RNLS: variants seen among roughly 807,000 people sequenced by gnomAD.
RNLS encodes renalase.
RNLS carries 39 observed loss-of-function variants against 39.8 expected under a neutral mutation model. The observed-to-expected ratio is 0.98, with a 90% confidence interval of 0.76 to 1.28. RNLS has a LOEUF of 1.28. Ranked by LOEUF, RNLS falls within the 50% of genes most tolerant of loss-of-function variation. The pLI is 0.00. For synonymous variants in RNLS, 147 were observed against 150.7 expected (o/e 0.98, Z 0.18); for missense variants, 410 against 413.3 (o/e 0.99, Z 0.07).
chr10:88,341,858 T>C (rs1249952060), intron 5 of RNLS, among the ~76,000 whole-genome samples: 1 of 152,162 alleles, frequency 6.6e-6, no homozygotes, highest in Non-Finnish European at 1.5e-5. Flanking sequence ...AGGTTTATAG[T>C]ATTTTCATAT....
the RNLS span, among the ~76,000 whole-genome samples, chr10:88,262,532 A>G: frequency 6.6e-6 from 1 of 152,170 alleles, no homozygotes; most frequent in Non-Finnish European, 1.5e-5. Context: ...TTCCTGAGAC[A>G]CTATTTCTGA....
Position 88,274,899 on chromosome 10 carries a change from A to G in RNLS, c.*62T>C, listed in dbSNP as rs541744496. On this transcript the variant is annotated 3_prime_UTR_variant, in exon 7 of 7. Coordinates refer to the RNLS transcript ENST00000371947. ...ATAATAGCTATCCTAAAGGCTGTGA[A>G]GTGGTATCCTTAAAAAAAAAAATCA... is the stretch of plus-strand genomic sequence containing the variant. The G allele has an allele frequency of 4.2e-6, 5 of 1,202,468 alleles. No homozygotes were observed. The African/African-American group carries it at 7.5e-5, about 18-fold the overall frequency. 74.5% of individuals were successfully genotyped at this position (1,202,468 alleles called of 1,614,324 possible). A position where few individuals can be genotyped will look rare whatever the true frequency, so the allele number is the denominator to read the frequency against.
chr10:88,495,247 T>G (rs1335764050), intron 4 of RNLS, among the ~76,000 whole-genome samples: 2 of 152,278 alleles, frequency 1.3e-5, no homozygotes, highest in East Asian at 3.9e-4. Flanking sequence ...TTTTACTTGT[T>G]GCAAAAATAT....
At chr10:88,204,670 C>A in the RNLS span, among the ~76,000 whole-genome samples, 1 of 152,152 alleles carries the variant, frequency 6.6e-6, no homozygotes, top group South Asian at 2.1e-4. Flanking sequence ...TCTCCCCGTA[C>A]ATGAAAGTTG....
intron 4 of RNLS, among the ~76,000 whole-genome samples, chr10:88,559,010 G>A (rs1054831465): frequency 2.6e-5 from 4 of 152,154 alleles, no homozygotes; most frequent in South Asian, 4.1e-4. Context: ...CAGGACTTTC[G>A]TTCTTTGTGC....
intron 4 of RNLS, among the ~76,000 whole-genome samples, chr10:88,383,997 AT>A (rs1393802040): frequency 6.6e-6 from 1 of 152,118 alleles, no homozygotes; most frequent in African/African-American, 2.4e-5. Context: ...CAGTAGACCT[AT>A]ATTATAGAAA....
At chr10:88,556,518 T>C (rs1019197957) in intron 4 of RNLS, among the ~76,000 whole-genome samples, 5 of 152,272 alleles carry the variant, frequency 3.3e-5, no homozygotes, top group African/African-American at 1.2e-4. Flanking sequence ...TGGCTTCCCA[T>C]CTGATGGAGA....
intron 4 of RNLS, among the ~76,000 whole-genome samples, chr10:88,382,163 G>A (rs1294530180): frequency 1.3e-5 from 2 of 152,000 alleles, no homozygotes; most frequent in African/African-American, 4.8e-5. Context: ...ACGTTGTACT[G>A]TGACATCTTA....
At chr10:88,473,605 C>G (rs1468755201) in intron 4 of RNLS, among the ~76,000 whole-genome samples, 1 of 152,144 alleles carries the variant, frequency 6.6e-6, no homozygotes, top group Non-Finnish European at 1.5e-5. Context: ...CAACCCATGA[C>G]TGCTACAAAA....
At chr10:88,573,784 T>C (rs1297107284) in intron 3 of RNLS, among the ~76,000 whole-genome samples, 1 of 151,812 alleles carries the variant, frequency 6.6e-6, no homozygotes, top group Non-Finnish European at 1.5e-5. Flanking sequence ...ACCTGTTTTA[T>C]TTCTATGTAT....
chr10:88,433,060 C>T (rs929620747), intron 4 of RNLS, among the ~76,000 whole-genome samples: 4 of 151,942 alleles, frequency 2.6e-5, no homozygotes, highest in Non-Finnish European at 5.9e-5. Flanking sequence ...ACTAAAAAGT[C>T]ATGTTAACCT....
chr10:88,234,659 C>A, the RNLS span, among the ~76,000 whole-genome samples: 36 of 152,070 alleles, frequency 2.4e-4, no homozygotes, highest in Non-Finnish European at 5.9e-5. Context: ...CTGTGCTCAG[C>A]CTGTAGGAAA....
At chr10:88,257,456 C>T in the RNLS span, among the ~76,000 whole-genome samples, 1 of 152,124 alleles carries the variant, frequency 6.6e-6, no homozygotes, top group Non-Finnish European at 1.5e-5. Flanking sequence ...ACAAAATACC[C>T]TCAGAGGAGG....
intron 4 of RNLS, among the ~76,000 whole-genome samples, chr10:88,468,237 G>T (rs1843322332): frequency 6.6e-6 from 1 of 152,078 alleles, no homozygotes; most frequent in East Asian, 1.9e-4. Flanking sequence ...TCTGGGGTGG[G>T]CTCAAAGAAA....
At chr10:88,483,707 G>A (rs1373020302) in intron 4 of RNLS, among the ~76,000 whole-genome samples, 4 of 151,328 alleles carry the variant, frequency 2.6e-5, no homozygotes, top group Admixed American at 2.6e-4. Flanking sequence ...CCATTTCTTT[G>A]CTTGCTATAT....
intron 4 of RNLS, among the ~76,000 whole-genome samples, chr10:88,387,574 C>G (rs1017695111): frequency 2.1e-5 from 3 of 140,748 alleles, no homozygotes; most frequent in Admixed American, 7.1e-5. Context: ...ATGAGAATAA[C>G]AAGCCTATTT....
At chr10:88,372,115 GCT>G (rs775690299) in intron 4 of RNLS, among the ~76,000 whole-genome samples, 31 of 152,212 alleles carry the variant, frequency 2.0e-4, no homozygotes, top group Middle Eastern at 3.4e-3. Context: ...AAGTTCTTCA[GCT>G]TCCGTGATTA....
intron 4 of RNLS, among the ~76,000 whole-genome samples, chr10:88,376,833 A>ATATT (rs2133472274): frequency 6.6e-6 from 1 of 152,284 alleles, no homozygotes; most frequent in African/African-American, 2.4e-5. Flanking sequence ...CACATTCACA[A>ATATT]TATTTTAAAA....
intron 4 of RNLS, among the ~76,000 whole-genome samples, chr10:88,512,191 A>T (rs1487974968): frequency 1.3e-5 from 2 of 152,176 alleles, no homozygotes; most frequent in African/African-American, 4.8e-5. Context: ...CAATAGTGCC[A>T]GCTATTTGTA....
Sources: gnomAD v4.1 joint callset for allele counts (sites outside exome capture counted in the v4.1 genomes callset) on GRCh38, gnomAD v4.1.1 for gene constraint, MANE v1.5 for transcripts, NCBI Gene and HGNC (gene_info 2026-07-23, HGNC 2026-07-21) for gene names.